Variants in MARS1 observed in about 807,000 individuals in gnomAD.
The protein encoded by MARS1 is methionyl-tRNA synthetase 1, also known as methionine--tRNA ligase, cytoplasmic.
Under a neutral mutation model 119.5 loss-of-function variants are expected in MARS1, and 80 were observed. That is an observed-to-expected ratio of 0.67 (90% confidence interval 0.56 to 0.81). The LOEUF is 0.81. Among genes scored for constraint, MARS1 ranks in the 30% least tolerant of loss-of-function variants. The probability of loss-of-function intolerance (pLI) is 0.00; values close to 1 mark genes in which losing one functional copy is unlikely to be tolerated. For missense variants in MARS1, 945 were observed against 1,116.5 expected (o/e 0.85, Z 2.19); for synonymous variants, 418 against 433.4 (o/e 0.96, Z 0.44).
intron 10 of MARS1, among the ~76,000 whole-genome samples, chr12:57,503,448 G>A (rs545538228): frequency 9.2e-5 from 14 of 151,920 alleles, no homozygotes; most frequent in Non-Finnish European, 2.1e-4. Flanking sequence ...GGCCAGGCTG[G>A]ATTTGAACTC....
intron 7 of MARS1, among the ~76,000 whole-genome samples, 165 bp from the exon 8 acceptor site, chr12:57,497,992 T>A (rs966159902): frequency 5.3e-5 from 8 of 152,004 alleles, no homozygotes; most frequent in Non-Finnish European, 1.0e-4. Flanking sequence ...GATCTTAGAG[T>A]GCCTCGGGAA....
At chr12:57,510,263 A>C (rs1366590017) in intron 11 of MARS1, among the ~76,000 whole-genome samples, 1 of 151,780 alleles carries the variant, frequency 6.6e-6, no homozygotes, top group Non-Finnish European at 1.5e-5. Flanking sequence ...CATGAGGTCA[A>C]TAGACCGAGA....
In MARS1 at chr12:57,493,451, A is replaced by G. The variant is rs59072876; in HGVS notation, c.770+2807A>G. 2.3e-3 allele frequency among the ~76,000 whole-genome samples: 2 copies of G among 886 alleles called. 1 individual carries two copies. Among genetic ancestry groups the G allele is most frequent in the Non-Finnish European group, 0.014 (2 of 138 alleles). 0.6% of individuals were successfully genotyped at this position (886 alleles called of 152,430 possible). On this transcript the variant is annotated intron_variant, in intron 7 of 20. Coordinates refer to ENST00000262027, the MANE Select transcript of MARS1 (RefSeq NM_004990.4). ...ATGTATAATATATTACATAATATAT[A>G]ATATATTATAATATATAATATATAA...
At chr12:57,493,693 T>TATATTATATGTTA (rs1876297672) in intron 7 of MARS1, among the ~76,000 whole-genome samples, 1 of 9,722 alleles carries the variant, frequency 1.0e-4, no homozygotes, top group Non-Finnish European at 1.4e-4. Flanking sequence ...ATAATATATA[T>TATATTATATGTTA]TATATATTAT....
chr12:57,498,770 C>A, intron 9 of MARS1, 147 bp downstream of exon 9: 1 of 731,916 alleles, frequency 1.4e-6, no homozygotes, highest in Non-Finnish European at 2.3e-6. Flanking sequence ...GTTATCCAGG[C>A]ATTTTTGAGG....
At chr12:57,489,723 G>C in intron 4 of MARS1, 165 bp downstream of exon 4, 1 of 1,117,188 alleles carries the variant, frequency 9.0e-7, no homozygotes, top group South Asian at 1.4e-5. Context: ...GTTGTGAAAT[G>C]GGATAATATT....
intron 11 of MARS1, among the ~76,000 whole-genome samples, chr12:57,510,489 G>T (rs1877457481): frequency 6.6e-6 from 1 of 151,408 alleles, no homozygotes; most frequent in Non-Finnish European, 1.5e-5. Flanking sequence ...ATTTTTTTTT[G>T]GTTGGGCATG....
intron 1 of MARS1, chr12:57,488,421 C>T (rs1015514410): frequency 7.6e-6 from 6 of 787,328 alleles, no homozygotes; most frequent in Non-Finnish European, 1.2e-5. Flanking sequence ...CTCTCTCCTC[C>T]CCTCTTCCGT....
chr12:57,513,585 A>G (rs1200535194), intron 15 of MARS1, among the ~76,000 whole-genome samples: 1 of 147,522 alleles, frequency 6.8e-6, no homozygotes, highest in African/African-American at 2.5e-5. Context: ...CCTACACTCC[A>G]GCCTTGGCAA....
intron 2 of MARS1, 37 bp from the exon 3 acceptor site, chr12:57,489,230 C>G (rs1875729570): frequency 6.2e-7 from 1 of 1,610,538 alleles, no homozygotes; most frequent in African/African-American, 1.3e-5. Flanking sequence ...AAATGGGCCC[C>G]TCTAAGTCCA....
intron 4 of MARS1, 26 bp from the exon 5 acceptor site, chr12:57,489,870 A>G (rs753892150): frequency 1.9e-6 from 3 of 1,601,052 alleles, no homozygotes; most frequent in African/African-American, 1.3e-5. Flanking sequence ...ATTTGTGTAC[A>G]TTTTCCTTTT....
At chr12:57,516,094 C>A (rs552246803) in intron 19 of MARS1, 103 bp downstream of exon 19, 4 of 1,393,212 alleles carry the variant, frequency 2.9e-6, no homozygotes, top group Non-Finnish European at 4.1e-6. Flanking sequence ...ATCTTTTGGC[C>A]CTGCCGCTTC....
In MARS1 at chr12:57,507,869, T is replaced by C. The variant is rs1203620036; in HGVS notation, c.1368+3570T>C. Among the ~76,000 whole-genome samples, 7 of 136,116 alleles carry C rather than the reference T, an allele frequency of 5.1e-5. No individual in the cohort carries two copies. In the South Asian group the frequency reaches 1.5e-3, roughly 29 times the overall value. 89.3% of individuals were successfully genotyped at this position (136,116 alleles called of 152,430 possible). A position where few individuals can be genotyped will look rare whatever the true frequency, so the allele number is the denominator to read the frequency against. ...GACGCTCCTCACTTCCCAGACGGGG[T>C]AGCTGCCGGGCGGAGGGGCTCCTCA... On this transcript the variant is annotated intron_variant, in intron 11 of 20. Transcript: ENST00000262027.
At chr12:57,488,644 C>T (rs961504940) in intron 1 of MARS1, 1 of 1,550,946 alleles carries the variant, frequency 6.4e-7, no homozygotes, top group Non-Finnish European at 8.7e-7. Flanking sequence ...GTTTGGGTGA[C>T]TCTTAGGAGG....
Position 57,498,133 on chromosome 12 carries a change from GTTCTC to G in MARS1, c.771-20_771-16del, listed in dbSNP as rs1876728224. ...TGACCCTCACATCCCCCCATGCACT[GTTCTC>G]TTCCTCTTTCCTTACTAGGTTGCCT... On this transcript the variant is annotated intron_variant, in intron 7 of 20. Coordinates refer to ENST00000262027, the MANE Select transcript of MARS1 (RefSeq NM_004990.4). The G allele has an allele frequency of 6.6e-7, 1 of 1,524,430 alleles. No individual in the cohort carries two copies. Among genetic ancestry groups the G allele is most frequent in the Non-Finnish European group, 9.1e-7 (1 of 1,098,332 alleles). The allele number at this position is 1,524,430 out of a possible 1,614,324, so 94.4% of individuals were successfully genotyped here. A position where few individuals can be genotyped will look rare whatever the true frequency, so the allele number is the denominator to read the frequency against.
intron 10 of MARS1, among the ~76,000 whole-genome samples, chr12:57,500,991 T>C (rs1438559283): frequency 2.6e-5 from 4 of 152,330 alleles, no homozygotes; most frequent in South Asian, 2.1e-4. Flanking sequence ...GGAAATGATA[T>C]AGAATAAACT....
chr12:57,500,133 G>A (rs1042585012), intron 9 of MARS1, 188 bp from the exon 10 acceptor site: 28 of 631,006 alleles, frequency 4.4e-5, no homozygotes, highest in Non-Finnish European at 1.1e-5. Flanking sequence ...GGCAGTTGGG[G>A]AATATGTGTG....
intron 10 of MARS1, 148 bp downstream of exon 10, chr12:57,500,670 A>G: frequency 1.4e-6 from 1 of 698,736 alleles, no homozygotes; most frequent in Non-Finnish European, 2.4e-6. Context: ...CTCGTCATTT[A>G]GTTCATTTGA....
chr12:57,501,853 G>A (rs1876932245), intron 10 of MARS1, among the ~76,000 whole-genome samples: 3 of 151,688 alleles, frequency 2.0e-5, no homozygotes, highest in South Asian at 4.2e-4. Context: ...AATTATCCAG[G>A]CCGTGGTGGC....
Sources: allele counts gnomAD v4.1 joint callset (sites outside exome capture counted in the v4.1 genomes callset), GRCh38; gene constraint gnomAD v4.1.1; transcripts MANE v1.5; gene names NCBI Gene and HGNC (gene_info 2026-07-23, HGNC 2026-07-21).